Variants in CATSPERT observed in about 807,000 individuals in gnomAD.
CATSPERT encodes cation channel sperm-associated targeting subunit tau.
At chr2:201,493,572 T>C in the CATSPERT span, 10 of 1,537,052 alleles carry the variant, frequency 6.5e-6, no homozygotes, top group Non-Finnish European at 7.8e-6. Context: ...TTGTAGCAGA[T>C]CTGGGCTGTG....
the CATSPERT span, among the ~76,000 whole-genome samples, chr2:201,506,494 C>G: frequency 6.6e-6 from 1 of 152,152 alleles, no homozygotes; most frequent in African/African-American, 2.4e-5. Context: ...TTATAAGAGA[C>G]AAATTGTGTA....
the CATSPERT span, among the ~76,000 whole-genome samples, chr2:201,498,788 C>G: frequency 6.6e-6 from 1 of 152,146 alleles, no homozygotes; most frequent in Non-Finnish European, 1.5e-5. Flanking sequence ...ACAGAGCAAA[C>G]ACTGCTGGCA....
chr2:201,560,423 AAAT>A, the CATSPERT span, among the ~76,000 whole-genome samples: 34,365 of 125,104 alleles, frequency 0.27, 4,594 homozygotes, highest in Non-Finnish European at 0.33. Flanking sequence ...ACTCTGTCTC[AAAT>A]AATAATAATA....
chr2:201,596,731 T>A, the CATSPERT span, among the ~76,000 whole-genome samples: 5 of 152,208 alleles, frequency 3.3e-5, no homozygotes, highest in Admixed American at 3.3e-4. Flanking sequence ...AGTTCACAGA[T>A]CCTTTCTCTT....
At chr2:201,494,318 G>A in the CATSPERT span, 5 of 1,537,114 alleles carry the variant, frequency 3.3e-6, no homozygotes, top group Non-Finnish European at 3.5e-6. Flanking sequence ...ATTGACTTGA[G>A]TATCATTGAT....
the CATSPERT span, among the ~76,000 whole-genome samples, chr2:201,519,692 G>C: frequency 1.3e-5 from 2 of 151,650 alleles, no homozygotes; most frequent in African/African-American, 4.8e-5. Context: ...AATGCTATGA[G>C]GAATTAAATG....
At chr2:201,601,643 T>C in the CATSPERT span, 1 of 1,203,766 alleles carries the variant, frequency 8.3e-7, no homozygotes, top group Non-Finnish European at 1.1e-6. Flanking sequence ...TGCTTTTGTT[T>C]CTTTTCTACT....
At chr2:201,559,469 G>A in the CATSPERT span, among the ~76,000 whole-genome samples, 2 of 152,178 alleles carry the variant, frequency 1.3e-5, no homozygotes, top group South Asian at 4.1e-4. Flanking sequence ...CAGGCCAGCT[G>A]AACAGCTGTG....
At chr2:201,488,045 G>C in the CATSPERT span, 6 of 694,496 alleles carry the variant, frequency 8.6e-6, no homozygotes, top group Admixed American at 6.1e-5. Flanking sequence ...AACAGTTAAA[G>C]ACAAAGAATG....
the CATSPERT span, among the ~76,000 whole-genome samples, chr2:201,587,305 C>T: frequency 6.6e-6 from 1 of 151,984 alleles, no homozygotes; most frequent in South Asian, 2.1e-4. Flanking sequence ...AGTGCTCTTC[C>T]TTCCTGTATA....
chr2:201,605,735 TATAAC>T, the CATSPERT span, among the ~76,000 whole-genome samples: 377 of 152,188 alleles, frequency 2.5e-3, no homozygotes, highest in African/African-American at 8.4e-3. Context: ...AGAAGTAAAT[TATAAC>T]ATAAGATTTC....
At chr2:201,574,237 C>T in the CATSPERT span, 3 of 1,604,790 alleles carry the variant, frequency 1.9e-6, no homozygotes, top group Non-Finnish European at 2.5e-6. Context: ...ACCAAAGTTT[C>T]CATAGGAGAA....
At chr2:201,506,130 G>A in the CATSPERT span, among the ~76,000 whole-genome samples, 4 of 152,102 alleles carry the variant, frequency 2.6e-5, no homozygotes, top group East Asian at 3.9e-4. Flanking sequence ...AGCTGGGGGC[G>A]GTGGCAGGCG....
chr2:201,618,290 C>T, the CATSPERT span, among the ~76,000 whole-genome samples: 2 of 152,128 alleles, frequency 1.3e-5, no homozygotes, highest in Non-Finnish European at 2.9e-5. Context: ...TTCACAATGG[C>T]AAAGACTAGG....
the CATSPERT span, among the ~76,000 whole-genome samples, chr2:201,522,780 C>G: frequency 6.6e-6 from 1 of 152,192 alleles, no homozygotes; most frequent in Non-Finnish European, 1.5e-5. Context: ...GGCCATTCTG[C>G]AAGGCCTGCC....
chr2:201,618,762 A>T, the CATSPERT span: 1 of 458,584 alleles, frequency 2.2e-6, no homozygotes, highest in Non-Finnish European at 3.7e-6. Flanking sequence ...GAAAAAAAAA[A>T]GGATTAAAGG....
chr2:201,595,121 G>A, the CATSPERT span, among the ~76,000 whole-genome samples: 5 of 151,272 alleles, frequency 3.3e-5, no homozygotes, highest in South Asian at 2.1e-4. Context: ...ATCTACTTTC[G>A]GCCTTTGATG....
chr2:201,504,282 A>G, the CATSPERT span, among the ~76,000 whole-genome samples: 1 of 152,224 alleles, frequency 6.6e-6, no homozygotes, highest in Non-Finnish European at 1.5e-5. Context: ...GCAGTAAACT[A>G]GTACAATTAT....
At chr2:201,603,470 G>A in the CATSPERT span, among the ~76,000 whole-genome samples, 226 of 152,172 alleles carry the variant, frequency 1.5e-3, 8 homozygotes, top group East Asian at 0.04. Flanking sequence ...AGAAAAATGC[G>A]CAGGCCACAT....
Sources: allele counts gnomAD v4.1 joint callset (sites outside exome capture counted in the v4.1 genomes callset), GRCh38; gene constraint gnomAD v4.1.1; transcripts MANE v1.5; gene names NCBI Gene and HGNC (gene_info 2026-07-23, HGNC 2026-07-21).